The following HIVEP3 variants were observed in gnomAD, a reference collection of about 807,000 sequenced individuals.
HIVEP3 encodes HIVEP zinc finger 3, also known as transcription factor HIVEP3.
A neutral mutation model predicts 152.8 loss-of-function variants in HIVEP3; 49 were observed. The ratio of observed to expected loss-of-function variants is 0.32; its 90% CI spans 0.26 to 0.41. HIVEP3 has a LOEUF of 0.41. HIVEP3 is among the 10% of genes least tolerant of loss of function. The probability of loss-of-function intolerance (pLI) is 1.00; values close to 1 mark genes in which losing one functional copy is unlikely to be tolerated. For missense variants in HIVEP3, 2,790 were observed against 3,103.3 expected (o/e 0.90, Z 2.40); for synonymous variants, 1,269 against 1,289.0 (o/e 0.98, Z 0.33).
intron 1 of HIVEP3, among the ~76,000 whole-genome samples, chr1:41,763,918 G>A (rs948984574): frequency 3.9e-5 from 6 of 152,232 alleles, no homozygotes; most frequent in African/African-American, 1.4e-4. Context: ...AGAGGATTGA[G>A]TTTGGGGCTG....
intron 1 of HIVEP3, among the ~76,000 whole-genome samples, chr1:42,009,588 A>T (rs1645481593): frequency 6.6e-6 from 1 of 152,180 alleles, no homozygotes; most frequent in Admixed American, 6.5e-5. Flanking sequence ...AAATTGCTCT[A>T]TACACATCTT....
intron 2 of HIVEP3, among the ~76,000 whole-genome samples, chr1:41,665,696 C>T (rs911952696): frequency 2.5e-4 from 9 of 35,424 alleles, no homozygotes; most frequent in South Asian, 1.8e-3. Context: ...CTTGTTTCCA[C>T]GGAAATGTTA....
chr1:41,960,501 C>G (rs1432947012), intron 1 of HIVEP3, among the ~76,000 whole-genome samples: 1 of 152,184 alleles, frequency 6.6e-6, no homozygotes, highest in African/African-American at 2.4e-5. Context: ...GTTCAACTCC[C>G]TTGCCTCAAG....
chr1:41,629,706 A>G (rs1045601444), intron 2 of HIVEP3, among the ~76,000 whole-genome samples: 1 of 152,226 alleles, frequency 6.6e-6, no homozygotes, highest in Non-Finnish European at 1.5e-5. Context: ...GAGAAATGCA[A>G]ATCAAAACCA....
intron 1 of HIVEP3, among the ~76,000 whole-genome samples, chr1:41,728,709 C>T (rs1156548838): frequency 6.6e-6 from 1 of 152,218 alleles, no homozygotes; most frequent in African/African-American, 2.4e-5. Flanking sequence ...TCAGCTTCTA[C>T]AGCCAGACTT....
At chr1:41,862,458 G>A (rs1299901991) in intron 1 of HIVEP3, among the ~76,000 whole-genome samples, 6 of 152,132 alleles carry the variant, frequency 3.9e-5, no homozygotes, top group African/African-American at 1.4e-4. Context: ...TGTAAGAACT[G>A]AGTCATTGTT....
chr1:41,988,805 G>A (rs1008407321), intron 1 of HIVEP3, among the ~76,000 whole-genome samples: 2 of 152,122 alleles, frequency 1.3e-5, no homozygotes, highest in African/African-American at 2.4e-5. Flanking sequence ...GCCAAGATAT[G>A]GAATCAACCA....
chr1:41,621,173 T>C (rs757877452), intron 3 of HIVEP3, among the ~76,000 whole-genome samples: 6 of 152,210 alleles, frequency 3.9e-5, no homozygotes, highest in Non-Finnish European at 8.8e-5. Flanking sequence ...ATACTTGTGG[T>C]GCACCCATAG....
intron 5 of HIVEP3, among the ~76,000 whole-genome samples, chr1:41,567,699 G>C (rs1208172085): frequency 1.3e-5 from 2 of 152,150 alleles, no homozygotes; most frequent in East Asian, 3.8e-4. Flanking sequence ...GAAGGCCCTG[G>C]CCTGGGAGCT....
At chr1:41,807,995 T>C (rs1558287409) in intron 1 of HIVEP3, among the ~76,000 whole-genome samples, 1 of 152,198 alleles carries the variant, frequency 6.6e-6, no homozygotes, top group Non-Finnish European at 1.5e-5. Flanking sequence ...AAGTCACTGC[T>C]ATTTCCAGAA....
At chr1:42,020,813 C>T (rs1645549327) in intron 1 of HIVEP3, among the ~76,000 whole-genome samples, 1 of 152,036 alleles carries the variant, frequency 6.6e-6, no homozygotes, top group Admixed American at 6.6e-5. Flanking sequence ...AGGTTAGGGT[C>T]TGGGGAGGTG....
rs1467559219 is a variant in HIVEP3 at position 41,506,592 on chromosome 1, T to G, written c.*3859A>C. 10 of 61,050 alleles carry G rather than the reference T, an allele frequency of 1.6e-4. No homozygotes were observed. The highest frequency in any genetic ancestry group is 1.3e-3 in the Admixed American group (6 of 4,576). The allele number at this position is 61,050 out of a possible 1,614,324, so 3.8% of individuals were successfully genotyped here. A position where few individuals can be genotyped will look rare whatever the true frequency, so the allele number is the denominator to read the frequency against. ...TGCTTTAGACCTGCGTGGATTTTTG[T>G]TTTTTTTTTTTGTTTGTTTCTGTTT... On this transcript the variant is annotated 3_prime_UTR_variant, in exon 9 of 9. Transcript: ENST00000372583.
intron 1 of HIVEP3, among the ~76,000 whole-genome samples, chr1:41,972,250 A>G (rs1441958255): frequency 6.6e-6 from 1 of 152,156 alleles, no homozygotes; most frequent in Non-Finnish European, 1.5e-5. Context: ...CCCCTCTGCT[A>G]TACTCCCACT....
intron 1 of HIVEP3, among the ~76,000 whole-genome samples, chr1:41,852,710 G>A (rs1418211706): frequency 6.6e-6 from 1 of 152,184 alleles, no homozygotes; most frequent in East Asian, 1.9e-4. Flanking sequence ...CGAGGCTCTT[G>A]GCTATAAGGT....
chr1:41,653,331 C>T (rs2124021468), intron 2 of HIVEP3, among the ~76,000 whole-genome samples: 1 of 152,192 alleles, frequency 6.6e-6, no homozygotes, highest in South Asian at 2.1e-4. Flanking sequence ...CACACACTCA[C>T]ATTCACAACC....
chr1:41,891,357 G>A (rs556836467), intron 1 of HIVEP3, among the ~76,000 whole-genome samples: 10 of 152,190 alleles, frequency 6.6e-5, no homozygotes, highest in Non-Finnish European at 1.3e-4. Context: ...CCAACTGGGG[G>A]GAATTTTGAG....
rs570795236 is a variant in HIVEP3, at chr1:41,595,325, A to G, written c.-521-10007T>C. ...GTCAGTAATTCTCAGTAGCTCCCCA[A>G]TGCAGAGAGATTCAGCCATTGGCGT... On this transcript the variant is annotated intron_variant, in intron 3 of 8. Transcript: ENST00000372583. Among the ~76,000 whole-genome samples the G allele has an allele frequency of 9.3e-4, 141 of 152,296 alleles. 4 individuals carry two copies. Among genetic ancestry groups the G allele is most frequent in the Middle Eastern group, 3.4e-3 (1 of 294 alleles).
intron 1 of HIVEP3, among the ~76,000 whole-genome samples, chr1:41,782,996 A>G (rs1420346290): frequency 6.6e-6 from 1 of 152,098 alleles, no homozygotes; most frequent in Non-Finnish European, 1.5e-5. Flanking sequence ...TCAGGGTGCC[A>G]GGGCTGTGGT....
chr1:41,852,829 T>G (rs1021990618), intron 1 of HIVEP3, among the ~76,000 whole-genome samples: 1 of 152,228 alleles, frequency 6.6e-6, no homozygotes, highest in Non-Finnish European at 1.5e-5. Context: ...CAGTAATTTC[T>G]TATCCTTTCT....
Sources: gnomAD v4.1 joint callset for allele counts (sites outside exome capture counted in the v4.1 genomes callset) on GRCh38, gnomAD v4.1.1 for gene constraint, MANE v1.5 for transcripts, NCBI Gene and HGNC (gene_info 2026-07-23, HGNC 2026-07-21) for gene names.